MED23: variants seen among roughly 807,000 people sequenced by gnomAD.
MED23 encodes the protein mediator of RNA polymerase II transcription subunit 23.
A neutral mutation model predicts 163.9 loss-of-function variants in MED23; 105 were observed. The ratio of observed to expected loss-of-function variants is 0.64; its 90% CI spans 0.55 to 0.75. MED23 has a LOEUF of 0.75. Ranked by LOEUF, MED23 falls within the 30% of genes least tolerant of loss-of-function variation. MED23 has a pLI of 0.00. For missense variants in MED23, 1,054 were observed against 1,649.0 expected, an observed-to-expected ratio of 0.64 and a Z score of 6.25; for synonymous variants, 561 against 565.6, an observed-to-expected ratio of 0.99 and a Z score of 0.12.
At chr6:131,592,813 C>A (rs1367599188) in intron 24 of MED23, 193 bp downstream of exon 24, 2 of 677,104 alleles carry the variant, frequency 3.0e-6, no homozygotes, top group Non-Finnish European at 5.0e-6. Context: ...GGAACAAACC[C>A]GGATCTTAGG....
At chr6:131,622,526 T>C (rs1379873492) in intron 5 of MED23, among the ~76,000 whole-genome samples, 1 of 152,184 alleles carries the variant, frequency 6.6e-6, no homozygotes, top group African/African-American at 2.4e-5. Flanking sequence ...ATCTGATATA[T>C]AAAGAAGAAA....
chr6:131,594,683 A>G (rs1774908410), intron 22 of MED23, among the ~76,000 whole-genome samples: 1 of 152,228 alleles, frequency 6.6e-6, no homozygotes, highest in African/African-American at 2.4e-5. Context: ...CTAAAAGGTC[A>G]AAAACAGGGG....
At position 131,587,179 on chromosome 6, in the gene MED23, T is replaced by C. The variant is rs1322623583; in HGVS notation, c.*500A>G. On this transcript the variant is annotated 3_prime_UTR_variant, in exon 29 of 29. Coordinates refer to ENST00000368068, the MANE Select transcript of MED23 (RefSeq NM_004830.4). ...AAGAATATGAAGCCTTGTTTGCTCC[T>C]ACAATGCAACAAAATCTAGATTCCT... The C allele has an allele frequency of 2.2e-5, 25 of 1,149,258 alleles. No homozygotes were observed. The highest frequency in any genetic ancestry group is 2.7e-5 in the Non-Finnish European group (25 of 920,806). The allele number at this position is 1,149,258 out of a possible 1,614,324, so 71.2% of individuals were successfully genotyped here. A position where few individuals can be genotyped will look rare whatever the true frequency, so the allele number is the denominator to read the frequency against.
intron 27 of MED23, 142 bp from the exon 28 acceptor site, chr6:131,589,738 T>C: frequency 1.3e-6 from 1 of 760,766 alleles, no homozygotes; most frequent in East Asian, 2.7e-5. Context: ...TACACCTCTA[T>C]GCACATGAGA....
intron 30 of MED23, among the ~76,000 whole-genome samples, chr6:131,578,718 A>G (rs1486372823): frequency 6.6e-6 from 1 of 152,160 alleles, no homozygotes; most frequent in Non-Finnish European, 1.5e-5. Context: ...TATGTATTTA[A>G]TTATTATCAA....
At position 131,620,608 on chromosome 6, in the gene MED23, TC is replaced by T; in HGVS notation, c.597+19del. The T allele has an allele frequency of 6.4e-7, 1 of 1,564,574 alleles. No homozygotes were observed. Among genetic ancestry groups the T allele is most frequent in the African/African-American group, 1.4e-5 (1 of 73,844 alleles). The stretch of plus-strand genomic sequence containing the variant: ...CCAGCCGAAAATTTTTATTAAAAAT[TC>T]AGGAAATATAAAATTTACCCAGTGT... On this transcript the variant is annotated intron_variant, in intron 7 of 28. Coordinates refer to ENST00000368068, the MANE Select transcript of MED23 (RefSeq NM_004830.4).
intron 14 of MED23, among the ~76,000 whole-genome samples, chr6:131,604,697 C>T (rs1044573831): frequency 2.0e-5 from 3 of 152,172 alleles, no homozygotes; most frequent in African/African-American, 7.2e-5. Flanking sequence ...CCAAATGTTA[C>T]GTTCTAATGG....
downstream of MED23, chr6:131,583,146 T>C (rs985150840): frequency 6.2e-7 from 1 of 1,613,780 alleles, no homozygotes; most frequent in Non-Finnish European, 8.5e-7. Context: ...GAAGAAACAC[T>C]CAGCTATCTA....
At chr6:131,590,293 T>C (rs779640772) in intron 27 of MED23, 29 bp downstream of exon 27, 2 of 1,597,488 alleles carry the variant, frequency 1.3e-6, no homozygotes, top group Non-Finnish European at 1.7e-6. Flanking sequence ...AATTTAATCA[T>C]GTCACAGGAA....
intron 23 of MED23, among the ~76,000 whole-genome samples, chr6:131,593,681 C>A (rs1774822367): frequency 1.3e-5 from 2 of 151,972 alleles, no homozygotes; most frequent in Admixed American, 6.6e-5. Flanking sequence ...CTAAAATATA[C>A]CTTTTCAATA....
intron 11 of MED23, among the ~76,000 whole-genome samples, chr6:131,608,316 A>T (rs1336619186): frequency 6.6e-6 from 1 of 151,276 alleles, no homozygotes; most frequent in Non-Finnish European, 1.5e-5. Context: ...CAACTAATGC[A>T]TATAAAAATG....
chr6:131,591,735 C>A (rs1774651325), intron 25 of MED23: 1 of 606,138 alleles, frequency 1.6e-6, no homozygotes, highest in Non-Finnish European at 2.9e-6. Context: ...ATACATGTAT[C>A]TGTCCAGCTC....
At chr6:131,576,963 A>G (rs1773643543) in intron 30 of MED23, among the ~76,000 whole-genome samples, 2 of 152,084 alleles carry the variant, frequency 1.3e-5, no homozygotes, top group African/African-American at 4.8e-5. Flanking sequence ...CAGCCAAACT[A>G]CAGTATAAGA....
chr6:131,578,845 A>G (rs1773765113), intron 30 of MED23, among the ~76,000 whole-genome samples: 1 of 152,164 alleles, frequency 6.6e-6, no homozygotes, highest in African/African-American at 2.4e-5. Flanking sequence ...TATCACTGTT[A>G]CATTTTGGTG....
chr6:131,574,691 G>C (rs572026688), intron 30 of MED23, among the ~76,000 whole-genome samples: 1 of 152,144 alleles, frequency 6.6e-6, no homozygotes, highest in African/African-American at 2.4e-5. Flanking sequence ...GGAGGTACAA[G>C]TTTGACAAAT....
chr6:131,581,842 T>C (rs921839748), downstream of MED23, among the ~76,000 whole-genome samples: 1 of 152,162 alleles, frequency 6.6e-6, no homozygotes, highest in Non-Finnish European at 1.5e-5. Flanking sequence ...GATATAATGG[T>C]TTATGAACTA....
chr6:131,574,065 T>C (rs1773496419), exon 31 of MED23: 2 of 585,390 alleles, frequency 3.4e-6, no homozygotes. Flanking sequence ...TTGAATACAC[T>C]TTTTTTTCTG....
chr6:131,583,552 C>A (rs572074133), downstream of MED23: 46 of 1,470,408 alleles, frequency 3.1e-5, no homozygotes, highest in African/African-American at 7.9e-4. Flanking sequence ...TATATTTATA[C>A]CTCCTTGACC....
intron 9 of MED23, among the ~76,000 whole-genome samples, chr6:131,617,914 T>C (rs1426085625): frequency 2.0e-5 from 3 of 152,236 alleles, no homozygotes; most frequent in Admixed American, 2.0e-4. Flanking sequence ...TAGTCTTAAG[T>C]ATCATTGTAA....
Sources: allele counts gnomAD v4.1 joint callset (sites outside exome capture counted in the v4.1 genomes callset), GRCh38; gene constraint gnomAD v4.1.1; transcripts MANE v1.5; gene names NCBI Gene and HGNC (gene_info 2026-07-23, HGNC 2026-07-21).